RPL3L: variants seen among roughly 807,000 people sequenced by gnomAD.
The protein encoded by RPL3L is ribosomal protein L3 like, also known as ribosomal protein uL3-like.
A neutral mutation model predicts 44.5 loss-of-function variants in RPL3L; 44 were observed. That is an observed-to-expected ratio of 0.99 (90% CI 0.78 to 1.27). RPL3L has a LOEUF of 1.27. RPL3L is among the 50% of genes most tolerant of loss of function. The pLI is 0.00. For synonymous variants in RPL3L, 292 were observed against 230.7 expected (o/e 1.27, Z -2.41); for missense variants, 631 against 569.1 (o/e 1.11, Z -1.11).
intron 9 of RPL3L, 27 bp from the exon 10 acceptor site, chr16:1,944,920 G>A (rs2083109147): frequency 5.7e-6 from 9 of 1,579,102 alleles, no homozygotes; most frequent in Non-Finnish European, 7.7e-6. Context: ...TGCAGGAGGA[G>A]CCTTAGTCAC....
rs1457187876 is a variant in RPL3L at position 1,948,034 on chromosome 16, T to A, written c.502-654A>T. On this transcript the variant is annotated intron_variant, in intron 4 of 9. Transcript: ENST00000268661. ...CTCACTGCAAGCTCTGCCTCCCGGG[T>A]TCACGCCATTCCCCTGCCTCAGCCT... Among the ~76,000 whole-genome samples, 126 of 140,072 alleles carry A rather than the reference T, an allele frequency of 9.0e-4. No individual in the cohort carries two copies. The Middle Eastern group carries it at 0.03, about 34-fold the overall frequency. The allele number at this position is 140,072 out of a possible 152,430, so 91.9% of individuals were successfully genotyped here. A position where few individuals can be genotyped will look rare whatever the true frequency, so the allele number is the denominator to read the frequency against.
At position 1,947,505 on chromosome 16, in the gene RPL3L, A is replaced by G. The variant is rs930548879; in HGVS notation, c.502-125T>C. 54 of 1,195,656 alleles carry G rather than the reference A, an allele frequency of 4.5e-5. No individual in the cohort carries two copies. In the Admixed American group the frequency reaches 4.9e-4, roughly 11 times the overall value. The allele number at this position is 1,195,656 out of a possible 1,614,324, so 74.1% of individuals were successfully genotyped here. On this transcript the variant is annotated intron_variant, in intron 4 of 9. Transcript: ENST00000268661. ...GCATTCATTCACAGGTGTTCCCAGG[A>G]TCAGGTTGCAACCCATGTGTTGTGC...
At chr16:1,952,294 C>G (rs2083176393) in intron 3 of RPL3L, among the ~76,000 whole-genome samples, 1 of 151,642 alleles carries the variant, frequency 6.6e-6, no homozygotes, top group African/African-American at 2.4e-5. Flanking sequence ...TTAATTAACC[C>G]TGAGGATTAG....
At chr16:1,951,726 C>CATTATTATTATT (rs71394716) in intron 3 of RPL3L, among the ~76,000 whole-genome samples, 10 of 138,036 alleles carry the variant, frequency 7.2e-5, no homozygotes, top group East Asian at 2.1e-4. Context: ...GGGAGGTGGA[C>CATTATTATTATT]ATTATTATTA....
At chr16:1,952,796 G>C in intron 3 of RPL3L, 78 bp downstream of exon 3, 1 of 1,536,268 alleles carries the variant, frequency 6.5e-7, no homozygotes. Context: ...TATCATTTCA[G>C]CAAGAGCTAG....
Position 1,946,965 on chromosome 16 carries a change from A to G in RPL3L, c.822T>C (p.Tyr274=). ...CSIARAGQKG[Y]HHRTELNKKI... ...TCTTGTTGAGCTCCGTGCGGTGGTG[A>G]TAGCCCTTCTGCCCGGCCCGAGCAA... Residue 274 remains tyrosine (Y), a synonymous_variant, in exon 6 of 10, where the codon TAT becomes TAC. Coordinates refer to ENST00000268661, the MANE Select transcript of RPL3L (RefSeq NM_005061.3). 1 of 1,609,014 alleles carries G rather than the reference A, an allele frequency of 6.2e-7. No individual in the cohort carries two copies. The highest frequency in any genetic ancestry group is 8.5e-7 in the Non-Finnish European group (1 of 1,178,676).
Position 1,950,982 on chromosome 16 carries a change from G to A in RPL3L, c.366-3C>T. ...AGGCTTTCTTCTTGCTCTTGTGCCT[G>A]AGCCATGCACAGGAGGGTGCTCAGA... On this transcript the variant is annotated splice_region_variant and splice_polypyrimidine_tract_variant and intron_variant, in intron 3 of 9. Coordinates refer to ENST00000268661, the MANE Select transcript of RPL3L (RefSeq NM_005061.3). 6.2e-7 allele frequency: 1 copy of A among 1,613,608 alleles called. No individual in the cohort carries two copies. The highest frequency in any genetic ancestry group is 8.5e-7 in the Non-Finnish European group (1 of 1,179,910).
rs746248169 is a variant in RPL3L, at chr16:1,952,984, C to A, written c.255G>T (p.Val85=). The A allele has an allele frequency of 4.3e-6, 7 of 1,611,252 alleles. No homozygotes were observed. Among genetic ancestry groups the A allele is most frequent in the Non-Finnish European group, 5.1e-6 (6 of 1,179,108 alleles). ...AVTIVETPPL[V]VVGVVGYVAT... ...CCACGTAGCCCACCACGCCCACCAC[C>A]ACTAGGGGCGGCGTTTCTACAATTG... Residue 85 remains valine, a synonymous_variant, in exon 3 of 10, where the codon GTG becomes GTT. Coordinates refer to ENST00000268661, the MANE Select transcript of RPL3L (RefSeq NM_005061.3).
In RPL3L at chr16:1,952,920, C is replaced by T. The variant is rs750126938; in HGVS notation, c.319G>A (p.Ala107Thr). The T allele has an allele frequency of 2.5e-6, 4 of 1,613,880 alleles. No homozygotes were observed. The African/African-American group carries it at 5.3e-5, about 22-fold the overall frequency. The change falls in exon 3 of 10, where the codon GCA becomes ACA. Residue 107 changes from alanine to threonine, a missense_variant. Ala to Thr is a moderately conservative substitution (Grantham distance 58). Transcript: ENST00000268661. ...CGGCACTCATCACTGAGGTGTTCTGCAAAGATGGTCTTGAAGCTCCGGAGA... is the reference window on the plus strand; with the variant it reads ...CGGCACTCATCACTGAGGTGTTCTGTAAAGATGGTCTTGAAGCTCCGGAGA... ...RGLRSFKTIF[A>T]EHLSDECRRR...
At position 1,944,543 on chromosome 16, in the gene RPL3L, CA is replaced by C. The variant is rs1332927269; in HGVS notation, c.*293del. ...CTGGGCGACAAGATCAAGACTCTCTCAAAAAAAAAAAAAAAAAAAACCTCTG... is the reference window on the plus strand; with the variant it reads ...CTGGGCGACAAGATCAAGACTCTCTCAAAAAAAAAAAAAAAAAAACCTCTG... On this transcript the variant is annotated 3_prime_UTR_variant, in exon 10 of 10. Transcript: ENST00000268661. The C allele has an allele frequency of 0.086, 9,480 of 110,166 alleles. 37 individuals carry two copies. The highest frequency in any genetic ancestry group is 0.16 in the East Asian group (826 of 5,218). 6.8% of individuals were successfully genotyped at this position (110,166 alleles called of 1,614,324 possible).
Position 1,945,825 on chromosome 16 carries a change from C to T in RPL3L, c.1047+10G>A. The T allele has an allele frequency of 6.2e-7, 1 of 1,613,932 alleles. No individual in the cohort carries two copies. Among genetic ancestry groups the T allele is most frequent in the Non-Finnish European group, 8.5e-7 (1 of 1,179,966 alleles). On this transcript the variant is annotated intron_variant, in intron 8 of 9. Transcript: ENST00000268661. ...GGCACCCACTCCCCAGCCCACCCAG[C>T]ACTGCCAACCTTTCTCAGCGTAATG...
At chr16:1,954,178 C>T (rs370503627) in intron 1 of RPL3L, 30 bp from the exon 2 acceptor site, 185 of 1,521,168 alleles carry the variant, frequency 1.2e-4, no homozygotes, top group Non-Finnish European at 1.6e-4. Flanking sequence ...GAGGTCAGAC[C>T]TGGGGTGTCC....
chr16:1,952,732 G>T, intron 3 of RPL3L, 142 bp downstream of exon 3: 1 of 910,822 alleles, frequency 1.1e-6, no homozygotes, highest in Non-Finnish European at 1.6e-6. Context: ...CACACACACA[G>T]ACACTCCTAC....
In RPL3L at chr16:1,944,614, T is replaced by TA; in HGVS notation, c.*222dup. 1 of 442,092 alleles carries TA rather than the reference T, an allele frequency of 2.3e-6. No homozygotes were observed. Among genetic ancestry groups the TA allele is most frequent in the East Asian group, 3.7e-5 (1 of 26,960 alleles). 27.4% of individuals were successfully genotyped at this position (442,092 alleles called of 1,614,324 possible). ...GATCGATTTGAGTAATAATAAAACA[T>TA]AAAACTCCGGTCTCCCGCACAGCCA... On this transcript the variant is annotated 3_prime_UTR_variant, in exon 10 of 10. Coordinates refer to ENST00000268661, the MANE Select transcript of RPL3L (RefSeq NM_005061.3).
rs373443605 is a variant in RPL3L at position 1,950,901 on chromosome 16, C to G, written c.444G>C (p.Lys148Asn). The G allele has an allele frequency of 2.5e-6, 4 of 1,613,938 alleles. No individual in the cohort carries two copies. In the Admixed American group the frequency reaches 6.7e-5, roughly 27 times the overall value. The part of the protein sequence containing the change: ...RDTDGKKQLQ[K>N]DFAAMKKYCK... Reference sequence around the variant, plus strand: ...AGTACTTCTTCATGGCGGCGAAGTCCTTCTGTAGCTGCTTTTTCCCGTCTG... The same window carrying G: ...AGTACTTCTTCATGGCGGCGAAGTCGTTCTGTAGCTGCTTTTTCCCGTCTG... The change falls in exon 4 of 10, where the codon AAG becomes AAC. Residue 148 changes from lysine to asparagine, a missense_variant. By Grantham distance (94) the Lys-to-Asn change is moderately conservative. Transcript: ENST00000268661.
At chr16:1,949,009 C>CTTTTTTTTTTTTTTTTTTTT (rs34900670) in intron 4 of RPL3L, among the ~76,000 whole-genome samples, 15 of 124,632 alleles carry the variant, frequency 1.2e-4, no homozygotes, top group Non-Finnish European at 2.0e-4. Flanking sequence ...CCGCGCCTGG[C>CTTTTTTTTTTTTTTTTTTTT]TTTTTTTTTT....
At chr16:1,944,924 T>C in intron 9 of RPL3L, 31 bp from the exon 10 acceptor site, 1 of 1,570,640 alleles carries the variant, frequency 6.4e-7, no homozygotes, top group East Asian at 2.3e-5. Context: ...GGAGGAGCCT[T>C]AGTCACTCTG....
At position 1,947,326 on chromosome 16, in the gene RPL3L, T is replaced by G; in HGVS notation, c.556A>C (p.Asn186His). 6.2e-7 allele frequency: 1 copy of G among 1,610,176 alleles called. No individual in the cohort carries two copies. Among genetic ancestry groups the G allele is most frequent in the Non-Finnish European group, 8.5e-7 (1 of 1,178,968 alleles). ...ACCTTCTCGGCCACCGTGCCACCGTTCAGCTGGATCTCCATGATGTGGGCC... is the reference window on the plus strand; with the variant it reads ...ACCTTCTCGGCCACCGTGCCACCGTGCAGCTGGATCTCCATGATGTGGGCC... ...KKAHIMEIQL[N>H]GGTVAEKVAW... Residue 186 changes from asparagine (N) to histidine (H), a missense_variant, in exon 5 of 10, where the codon AAC becomes CAC. Asn to His is a moderately conservative substitution (Grantham distance 68). Transcript: ENST00000268661.
At position 1,949,087 on chromosome 16, in the gene RPL3L, C is replaced by A. The variant is rs1268991525; in HGVS notation, c.502-1707G>T. ...GTCTCGAAGTCCTCCTGCCTCAGCA[C>A]CCCTCTCCAAGTAGCTGGAACTACA... is the stretch of plus-strand genomic sequence containing the variant. On this transcript the variant is annotated intron_variant, in intron 4 of 9. Coordinates refer to ENST00000268661, the MANE Select transcript of RPL3L (RefSeq NM_005061.3). Among the ~76,000 whole-genome samples, 4 of 148,356 alleles carry A rather than the reference C, an allele frequency of 2.7e-5. No individual in the cohort carries two copies. The East Asian group carries it at 8.0e-4, about 30-fold the overall frequency.
Sources: allele counts gnomAD v4.1 joint callset (sites outside exome capture counted in the v4.1 genomes callset), GRCh38; gene constraint gnomAD v4.1.1; transcripts MANE v1.5; gene names NCBI Gene and HGNC (gene_info 2026-07-23, HGNC 2026-07-21).